The following RGS7 variants were observed in gnomAD, a reference collection of about 807,000 sequenced individuals.
RGS7 encodes regulator of G-protein signaling 7.
RGS7 carries 27 observed loss-of-function variants against 81.1 expected under a neutral mutation model. The ratio of observed to expected loss-of-function variants is 0.33; its 90% confidence interval spans 0.25 to 0.46. The LOEUF is 0.46. RGS7 is among the 20% of genes least tolerant of loss of function. The pLI, the probability that RGS7 is intolerant of heterozygous loss-of-function variation, is 1.00. For synonymous variants in RGS7, 208 were observed against 207.7 expected, an observed-to-expected ratio of 1.00 and a Z score of -0.01; for missense variants, 396 against 607.4, an observed-to-expected ratio of 0.65 and a Z score of 3.66.
chr1:240,906,913 A>G (rs879846087), intron 6 of RGS7, among the ~76,000 whole-genome samples: 2 of 152,266 alleles, frequency 1.3e-5, no homozygotes, highest in Admixed American at 6.5e-5. Flanking sequence ...AGAGCCTGAG[A>G]AAAGGTACAG....
chr1:240,936,717 AAAAC>A lies in RGS7; in HGVS notation c.227-15_227-12del, dbSNP rs747192098. Reference sequence around the variant, plus strand: ...AATGGAGCGCCTCCACTGTTTTATGAAAACAAACAAAGAACATAAAAAAGCCTTT... The same window carrying A: ...AATGGAGCGCCTCCACTGTTTTATGAAAACAAAGAACATAAAAAAGCCTTT... On this transcript the variant is annotated splice_polypyrimidine_tract_variant and intron_variant, in intron 4 of 18. Transcript: ENST00000440928. 4.8e-5 allele frequency: 77 copies of A among 1,592,292 alleles called. No homozygotes were observed. Among genetic ancestry groups the A allele is most frequent in the Non-Finnish European group, 5.9e-5 (68 of 1,160,250 alleles).
intron 2 of RGS7, among the ~76,000 whole-genome samples, chr1:241,337,549 T>C (rs2082317073): frequency 1.3e-5 from 2 of 151,514 alleles, no homozygotes; most frequent in Non-Finnish European, 2.9e-5. Context: ...GGACAAGTCA[T>C]GCAGAGATAC....
At chr1:241,282,415 GT>G (rs1356874150) in intron 2 of RGS7, among the ~76,000 whole-genome samples, 3 of 152,206 alleles carry the variant, frequency 2.0e-5, no homozygotes, top group African/African-American at 7.2e-5. Flanking sequence ...TGTATCTTGG[GT>G]TTCTTCTTTG....
chr1:240,840,617 T>A (rs542763358), intron 9 of RGS7, among the ~76,000 whole-genome samples: 1 of 152,328 alleles, frequency 6.6e-6, no homozygotes, highest in South Asian at 2.1e-4. Context: ...CTGTACTAGA[T>A]GCTACTTCTT....
At chr1:241,274,422 T>C (rs1461388028) in intron 2 of RGS7, among the ~76,000 whole-genome samples, 4 of 152,190 alleles carry the variant, frequency 2.6e-5, no homozygotes, top group Admixed American at 6.5e-5. Context: ...ATTATACAAA[T>C]AAAAGAATTT....
intron 2 of RGS7, among the ~76,000 whole-genome samples, chr1:241,199,448 T>C (rs1013248038): frequency 3.3e-5 from 5 of 152,118 alleles, no homozygotes; most frequent in East Asian, 3.9e-4. Context: ...ATTTATTTAG[T>C]AAACAGTATC....
At chr1:241,147,099 T>G (rs2068366726) in intron 2 of RGS7, among the ~76,000 whole-genome samples, 1 of 152,164 alleles carries the variant, frequency 6.6e-6, no homozygotes, top group African/African-American at 2.4e-5. Flanking sequence ...TCCCTGGTGT[T>G]TTTAATAATC....
At chr1:240,843,423 G>A (rs1658484705) in intron 9 of RGS7, among the ~76,000 whole-genome samples, 1 of 151,800 alleles carries the variant, frequency 6.6e-6, no homozygotes, top group Non-Finnish European at 1.5e-5. Context: ...GTATCACCAT[G>A]GCTGGCTGAT....
At position 241,264,235 on chromosome 1, in the gene RGS7, T is replaced by C. The variant is rs1375087207; in HGVS notation, c.78+91464A>G. Among the ~76,000 whole-genome samples, 7 of 152,214 alleles carry C rather than the reference T, an allele frequency of 4.6e-5. No homozygotes were observed. The South Asian group carries it at 1.0e-3, about 23-fold the overall frequency. On this transcript the variant is annotated intron_variant, in intron 2 of 18. Transcript: ENST00000440928. ...ACATTAGGCCAGGCGCAGTGACTCA[T>C]GCCTGTAATTCCAGCACTTTGGGAG...
intron 2 of RGS7, among the ~76,000 whole-genome samples, chr1:241,162,222 G>GCCCCCCCCCCCCCCGCCC (rs68166816): frequency 5.6e-5 from 8 of 142,140 alleles, no homozygotes; most frequent in African/African-American, 1.0e-4. Context: ...CTGGTGATCA[G>GCCCCCCCCCCCCCCGCCC]CTTCCAAATA....
intron 2 of RGS7, among the ~76,000 whole-genome samples, chr1:241,298,678 G>C (rs2079560645): frequency 6.6e-6 from 1 of 152,140 alleles, no homozygotes. Context: ...GAGTAGACCA[G>C]AGAAGCATCT....
intron 3 of RGS7, among the ~76,000 whole-genome samples, chr1:241,062,708 A>G (rs2061808721): frequency 6.6e-6 from 1 of 152,158 alleles, no homozygotes; most frequent in African/African-American, 2.4e-5. Flanking sequence ...TTGCTTCCCT[A>G]TAAATACTAA....
chr1:240,793,611 A>ATATATATATTTTTTTT, intron 18 of RGS7, among the ~76,000 whole-genome samples: 1 of 78,870 alleles, frequency 1.3e-5, no homozygotes, highest in African/African-American at 9.7e-5. Flanking sequence ...ATATATATAT[A>ATATATATATTTTTTTT]TTTTTTTTTT....
At chr1:241,252,758 G>T (rs114272343) in intron 2 of RGS7, among the ~76,000 whole-genome samples, 3,528 of 152,244 alleles carry the variant, frequency 0.023, 63 homozygotes, top group Non-Finnish European at 0.035. Flanking sequence ...TTGCGGGTAG[G>T]TATTATGGCA....
chr1:241,010,827 G>A (rs188511027), intron 3 of RGS7, among the ~76,000 whole-genome samples: 1 of 152,250 alleles, frequency 6.6e-6, no homozygotes, highest in African/African-American at 2.4e-5. Flanking sequence ...GATGTCTCTG[G>A]TGGAAGAGGT....
intron 2 of RGS7, among the ~76,000 whole-genome samples, chr1:241,323,619 A>T (rs1161070369): frequency 5.3e-5 from 8 of 152,234 alleles, no homozygotes; most frequent in African/African-American, 9.6e-5. Context: ...TCCAAGAGAC[A>T]AAGTAGAGGG....
At chr1:241,074,011 G>A (rs1558678431) in intron 3 of RGS7, among the ~76,000 whole-genome samples, 1 of 151,130 alleles carries the variant, frequency 6.6e-6, no homozygotes, top group Non-Finnish European at 1.5e-5. Flanking sequence ...AGTGATTCTC[G>A]TGCCTCAGAC....
At chr1:241,149,118 G>A (rs572923756) in intron 2 of RGS7, among the ~76,000 whole-genome samples, 1 of 152,190 alleles carries the variant, frequency 6.6e-6, no homozygotes, top group South Asian at 2.1e-4. Flanking sequence ...ACAACCAAGT[G>A]GAAAGCAGAA....
chr1:241,083,927 A>C (rs2063291287), intron 3 of RGS7, among the ~76,000 whole-genome samples: 1 of 152,170 alleles, frequency 6.6e-6, no homozygotes, highest in Non-Finnish European at 1.5e-5. Flanking sequence ...GGAGTCTCAG[A>C]AGCATCTTAG....
Sources: allele counts gnomAD v4.1 joint callset (sites outside exome capture counted in the v4.1 genomes callset), GRCh38; gene constraint gnomAD v4.1.1; transcripts MANE v1.5; gene names NCBI Gene and HGNC (gene_info 2026-07-23, HGNC 2026-07-21).